Variants in SFXN5 observed in about 807,000 individuals in gnomAD.
SFXN5 encodes the protein sideroflexin-5.
In SFXN5, 43 loss-of-function variants were observed where a neutral mutation model predicts 50.2. That is an observed-to-expected ratio of 0.86 (90% confidence interval 0.67 to 1.11). The LOEUF (loss-of-function observed/expected upper bound fraction) is 1.11. Ranked by LOEUF, SFXN5 falls within the 50% of genes least tolerant of loss-of-function variation. The pLI is 0.00. For synonymous variants in SFXN5, 203 were observed against 185.8 expected, an observed-to-expected ratio of 1.09 and a Z score of -0.75; for missense variants, 463 against 454.1, an observed-to-expected ratio of 1.02 and a Z score of -0.18.
intron 2 of SFXN5, among the ~76,000 whole-genome samples, chr2:73,055,194 G>A (rs1681925734): frequency 1.3e-5 from 2 of 152,270 alleles, no homozygotes; most frequent in South Asian, 4.1e-4. Flanking sequence ...TGCTGCCCAC[G>A]TGACGGCCAG....
At chr2:72,982,795 T>A (rs2105530660) in intron 10 of SFXN5, among the ~76,000 whole-genome samples, 1 of 152,128 alleles carries the variant, frequency 6.6e-6, no homozygotes, top group Non-Finnish European at 1.5e-5. Flanking sequence ...TATCCAGACA[T>A]CAGGGCCACA....
At chr2:72,963,598 G>A (rs1165024028) in intron 12 of SFXN5, among the ~76,000 whole-genome samples, 1 of 152,126 alleles carries the variant, frequency 6.6e-6, no homozygotes, top group Non-Finnish European at 1.5e-5. Context: ...GTTAAAATAT[G>A]TAGATGGAGA....
chr2:72,993,453 G>C (rs953078340), intron 9 of SFXN5, among the ~76,000 whole-genome samples: 1 of 152,194 alleles, frequency 6.6e-6, no homozygotes. Context: ...TGGCTTGTTT[G>C]CTGGCAACAG....
At position 72,967,176 on chromosome 2, in the gene SFXN5, C is replaced by T. The variant is rs1038988043; in HGVS notation, c.827+1272G>A. 2.0e-5 allele frequency: 3 copies of T among 152,170 alleles called. No individual in the cohort carries two copies. In the East Asian group the frequency reaches 5.8e-4, roughly 29 times the overall value. 9.4% of individuals were successfully genotyped at this position (152,170 alleles called of 1,614,324 possible). On this transcript the variant is annotated intron_variant, in intron 12 of 13. Coordinates refer to ENST00000272433, the MANE Select transcript of SFXN5 (RefSeq NM_144579.3). The stretch of plus-strand genomic sequence containing the variant: ...TATTATACTTACCTTATTATGCTGT[C>T]CTGAAGGTGAAATGAGAGAATGCAT...
intron 10 of SFXN5, among the ~76,000 whole-genome samples, chr2:72,977,109 C>A (rs529704552): frequency 9.5e-4 from 144 of 152,296 alleles, no homozygotes; most frequent in African/African-American, 3.2e-3. Flanking sequence ...GGTTGAGAGG[C>A]AGGCAGAGCC....
rs142894412 is a variant in SFXN5 at position 73,025,503 on chromosome 2, C to T, written c.250-2289G>A. Among the ~76,000 whole-genome samples, 191 of 152,326 alleles carry T rather than the reference C, an allele frequency of 1.3e-3. 1 individual carries two copies. The highest frequency in any genetic ancestry group is 4.8e-3 in the East Asian group (25 of 5,186). On this transcript the variant is annotated intron_variant, in intron 3 of 13. Transcript: ENST00000272433. ...ACTTAAGTTGACTTCTGGTAAGGCA[C>T]GGTGAAGCCAATGCACAGTGTCATC...
chr2:73,011,734 T>C (rs530712979), intron 6 of SFXN5, among the ~76,000 whole-genome samples: 2 of 152,280 alleles, frequency 1.3e-5, no homozygotes, highest in South Asian at 4.1e-4. Context: ...CCTTCTCCCA[T>C]CAGATTGGCA....
chr2:73,035,351 C>A (rs1678836247), intron 3 of SFXN5, among the ~76,000 whole-genome samples: 1 of 152,062 alleles, frequency 6.6e-6, no homozygotes, highest in Non-Finnish European at 1.5e-5. Context: ...TTTTTGTATA[C>A]CATGGTTTTG....
At chr2:73,027,515 A>T (rs932648292) in intron 3 of SFXN5, among the ~76,000 whole-genome samples, 3 of 152,114 alleles carry the variant, frequency 2.0e-5, no homozygotes, top group Non-Finnish European at 2.9e-5. Flanking sequence ...CAGCCTAAGG[A>T]TATGTGTTTA....
At chr2:73,035,317 T>A (rs1559182270) in intron 3 of SFXN5, among the ~76,000 whole-genome samples, 1 of 152,166 alleles carries the variant, frequency 6.6e-6, no homozygotes, top group African/African-American at 2.4e-5. Flanking sequence ...ATTCAGAAAC[T>A]TAATGGCTGT....
chr2:73,005,541 G>A (rs997913874), intron 6 of SFXN5, among the ~76,000 whole-genome samples: 1 of 152,186 alleles, frequency 6.6e-6, no homozygotes. Context: ...GAGGAAATTC[G>A]CCTCAGCATG....
At chr2:72,972,747 C>T (rs72918389) in intron 10 of SFXN5, among the ~76,000 whole-genome samples, 11,254 of 152,270 alleles carry the variant, frequency 0.074, 959 homozygotes, top group African/African-American at 0.21. Flanking sequence ...ACTCCTCCCC[C>T]CAAAGCGCCT....
chr2:73,025,154 AC>A, intron 3 of SFXN5, among the ~76,000 whole-genome samples: 1 of 151,972 alleles, frequency 6.6e-6, no homozygotes, highest in Admixed American at 6.6e-5. Context: ...AACAACAACA[AC>A]AACAAAAAAA....
At chr2:73,013,245 T>C (rs944321593) in intron 6 of SFXN5, among the ~76,000 whole-genome samples, 3 of 152,080 alleles carry the variant, frequency 2.0e-5, no homozygotes, top group African/African-American at 7.2e-5. Context: ...CAGCTATATT[T>C]TGTCCAAAAG....
intron 9 of SFXN5, among the ~76,000 whole-genome samples, chr2:72,994,068 C>T (rs1001428600): frequency 2.0e-5 from 3 of 152,306 alleles, no homozygotes; most frequent in Middle Eastern, 3.4e-3. Context: ...AAGCTGAGAA[C>T]ACCACTCGGC....
At chr2:73,070,522 C>T (rs1212209836) in intron 1 of SFXN5, 2 of 152,374 alleles carry the variant, frequency 1.3e-5, no homozygotes, top group African/African-American at 4.8e-5. Context: ...GCCGCCCACC[C>T]CTGGCAAGCC....
At chr2:72,982,260 G>A (rs200220936) in intron 10 of SFXN5, among the ~76,000 whole-genome samples, 1 of 110,438 alleles carries the variant, frequency 9.1e-6, no homozygotes. Context: ...GATCTGGAAA[G>A]GGGTGGGCCC....
At chr2:73,030,716 A>T (rs1678198556) in intron 3 of SFXN5, among the ~76,000 whole-genome samples, 1 of 152,188 alleles carries the variant, frequency 6.6e-6, no homozygotes, top group African/African-American at 2.4e-5. Flanking sequence ...TACACTAGGT[A>T]TCTCATACAA....
At chr2:73,060,135 C>G (rs1682629230) in intron 1 of SFXN5, among the ~76,000 whole-genome samples, 1 of 152,082 alleles carries the variant, frequency 6.6e-6, no homozygotes, top group Admixed American at 6.5e-5. Flanking sequence ...GATCCTGGTC[C>G]ACTAACAGAG....
Sources: gnomAD v4.1 joint callset for allele counts (sites outside exome capture counted in the v4.1 genomes callset) on GRCh38, gnomAD v4.1.1 for gene constraint, MANE v1.5 for transcripts, NCBI Gene and HGNC (gene_info 2026-07-23, HGNC 2026-07-21) for gene names.